Variants in ARID1A observed in about 807,000 individuals in gnomAD.
ARID1A encodes AT-rich interactive domain-containing protein 1A.
ARID1A carries 20 observed loss-of-function variants against 212.6 expected under a neutral mutation model. The observed-to-expected ratio is 0.09, with a 90% CI of 0.07 to 0.14. The LOEUF (loss-of-function observed/expected upper bound fraction) is 0.14, where lower values mean the gene tolerates loss of function less well. Among genes scored for constraint, ARID1A ranks in the 10% least tolerant of loss-of-function variants. ARID1A has a pLI of 1.00. For missense variants in ARID1A, 2,587 were observed against 3,059.0 expected, an observed-to-expected ratio of 0.85 and a Z score of 3.64; for synonymous variants, 1,376 against 1,222.1, an observed-to-expected ratio of 1.13 and a Z score of -2.63.
At chr1:26,758,450 C>G (rs1424568629) in intron 4 of ARID1A, among the ~76,000 whole-genome samples, 1 of 151,998 alleles carries the variant, frequency 6.6e-6, no homozygotes, top group African/African-American at 2.4e-5. Flanking sequence ...ATGGTGGCGC[C>G]TGCCTGTACA....
rs758256306 is a variant in ARID1A, at chr1:26,779,178, G to A, written c.5280G>A (p.Glu1760=). ...AGGTGTCTAGTCCAGCTCCCATGGA[G>A]GGTGGGGAAGAAGAAGAAGAACTTC... ...FSKVSSPAPM[E]GGEEEEELLG... Residue 1760 remains glutamate (E), a synonymous_variant, in exon 20 of 20, where the codon GAG becomes GAA. Coordinates refer to ENST00000324856, the MANE Select transcript of ARID1A (RefSeq NM_006015.6). 3 of 1,607,976 alleles carry A rather than the reference G, an allele frequency of 1.9e-6. No homozygotes were observed. Among genetic ancestry groups the A allele is most frequent in the Non-Finnish European group, 2.6e-6 (3 of 1,176,350 alleles).
At chr1:26,698,661 C>T (rs1489245600) in intron 1 of ARID1A, among the ~76,000 whole-genome samples, 1 of 152,128 alleles carries the variant, frequency 6.6e-6, no homozygotes, top group Non-Finnish European at 1.5e-5. Context: ...AATGGGTTTG[C>T]TGTTTGTTTT....
chr1:26,773,302 T>A (rs754757301), intron 14 of ARID1A, 44 bp from the exon 15 acceptor site: 2 of 1,529,922 alleles, frequency 1.3e-6, no homozygotes, highest in Non-Finnish European at 1.8e-6. Flanking sequence ...TTACCAGGCT[T>A]GTCAACTTAC....
At chr1:26,755,964 C>T (rs1469446310) in intron 4 of ARID1A, among the ~76,000 whole-genome samples, 2 of 151,966 alleles carry the variant, frequency 1.3e-5, no homozygotes, top group Non-Finnish European at 2.9e-5. Flanking sequence ...AGGATGGTCT[C>T]GATCTCCTGA....
rs942432618 is a variant in ARID1A at position 26,696,348 on chromosome 1, G to T, written c.-56G>T. The T allele has an allele frequency of 3.1e-5, 38 of 1,213,532 alleles. No individual in the cohort carries two copies. Among genetic ancestry groups the T allele is most frequent in the African/African-American group, 1.8e-4 (11 of 62,590 alleles). 75.2% of individuals were successfully genotyped at this position (1,213,532 alleles called of 1,614,324 possible). On this transcript the variant is annotated 5_prime_UTR_variant, in exon 1 of 20. Coordinates refer to ENST00000324856, the MANE Select transcript of ARID1A (RefSeq NM_006015.6). The stretch of plus-strand genomic sequence containing the variant: ...ACTGGGCCCCGGGGCGGGGTGGGAG[G>T]GGGGGAGAAGACGAAGACAGGGCCG...
intron 10 of ARID1A, 110 bp downstream of exon 10, chr1:26,766,676 T>C: frequency 1.8e-6 from 2 of 1,127,624 alleles, no homozygotes; most frequent in Non-Finnish European, 2.5e-6. Flanking sequence ...GACACCGGAC[T>C]AGATAGTCTC....
Position 26,697,512 on chromosome 1 carries a change from G to A in ARID1A, c.1109G>A (p.Gly370Glu), listed in dbSNP as rs2080284131. The A allele has an allele frequency of 7.1e-7, 1 of 1,405,590 alleles. No individual in the cohort carries two copies. Among genetic ancestry groups the A allele is most frequent in the Non-Finnish European group, 9.2e-7 (1 of 1,087,362 alleles). 87.1% of individuals were successfully genotyped at this position (1,405,590 alleles called of 1,614,324 possible). Residue 370 changes from glycine to glutamate, a missense_variant, in exon 1 of 20, where the codon GGG becomes GAG. Gly to Glu is a moderately conservative substitution (Grantham distance 98). Around this residue, in one of 11 missense-constraint regions of ARID1A, gnomAD observed 735 missense variants for 590.6 expected, o/e 1.24. Transcript: ENST00000324856. The stretch of plus-strand genomic sequence containing the variant: ...ATGAGCCCCGGGAGCAGCGGCGGCG[G>A]GGGGCAGCCGCTCGCCCGGACCCCT... ...APMSPGSSGG[G>E]GQPLARTPQP...
intron 4 of ARID1A, among the ~76,000 whole-genome samples, chr1:26,759,567 T>C (rs899349947): frequency 2.6e-5 from 4 of 152,178 alleles, no homozygotes; most frequent in African/African-American, 9.7e-5. Flanking sequence ...TTTTCATCCT[T>C]TCTTCAATTA....
intron 4 of ARID1A, among the ~76,000 whole-genome samples, chr1:26,740,218 G>T (rs983322395): frequency 2.6e-5 from 4 of 152,164 alleles, no homozygotes; most frequent in Non-Finnish European, 5.9e-5. Context: ...GACAAGGGTT[G>T]AACTTGTGTG....
chr1:26,762,112 GTATAAAGCTAATAAC>G (rs2080997692), intron 6 of ARID1A, 25 bp from the exon 7 acceptor site: 1 of 1,574,220 alleles, frequency 6.4e-7, no homozygotes, highest in Non-Finnish European at 8.6e-7. Context: ...TGTTCGCATT[GTATAAAGCTAATAAC>G]TATATGGATG....
chr1:26,737,486 G>A (rs1446668750), intron 4 of ARID1A, among the ~76,000 whole-genome samples: 1 of 152,140 alleles, frequency 6.6e-6, no homozygotes, highest in East Asian at 1.9e-4. Context: ...TGTGCCCCCA[G>A]TACCTATCAT....
chr1:26,728,454 T>C (rs2080640018), intron 1 of ARID1A, among the ~76,000 whole-genome samples: 1 of 152,200 alleles, frequency 6.6e-6, no homozygotes, highest in Non-Finnish European at 1.5e-5. Flanking sequence ...ACAGCTTAAA[T>C]TATAGAATAG....
Position 26,743,010 on chromosome 1 carries a change from G to A in ARID1A, c.1920+10218G>A, listed in dbSNP as rs141934043. On this transcript the variant is annotated intron_variant, in intron 4 of 19. Coordinates refer to ENST00000324856, the MANE Select transcript of ARID1A (RefSeq NM_006015.6). ...AAATATCAAGCTGGGGCTTTGGAAC[G>A]TCATAAATTTTACAGATTGTATCCA... is the stretch of plus-strand genomic sequence containing the variant. 1.6e-4 allele frequency among the ~76,000 whole-genome samples: 24 copies of A among 152,226 alleles called. No homozygotes were observed. In the East Asian group the frequency reaches 3.3e-3, roughly 21 times the overall value.
intron 4 of ARID1A, among the ~76,000 whole-genome samples, chr1:26,734,933 C>T (rs370100178): frequency 4.4e-4 from 67 of 152,286 alleles, no homozygotes; most frequent in East Asian, 3.3e-3. Flanking sequence ...TACTCATTCA[C>T]GTTACCTTCC....
rs2081112878 is a variant in ARID1A, at chr1:26,774,281, T to A, written c.4102-48T>A. The A allele has an allele frequency of 6.6e-7, 1 of 1,511,438 alleles. No homozygotes were observed. The highest frequency in any genetic ancestry group is 1.4e-5 in the African/African-American group (1 of 71,684). 93.6% of individuals were successfully genotyped at this position (1,511,438 alleles called of 1,614,324 possible). A position where few individuals can be genotyped will look rare whatever the true frequency, so the allele number is the denominator to read the frequency against. On this transcript the variant is annotated intron_variant, in intron 17 of 19. Transcript: ENST00000324856. This position sits in a 1 kb window ranked among gnomAD's most constrained non-coding sequence, Gnocchi z 5.6. The stretch of plus-strand genomic sequence containing the variant: ...CATCTTGGCATCTGTGGGCTTTATG[T>A]CCCTGAGTGCAGAGTATTAACTTCC...
intron 4 of ARID1A, among the ~76,000 whole-genome samples, chr1:26,741,360 T>A (rs987437038): frequency 1.3e-5 from 2 of 152,224 alleles, no homozygotes; most frequent in African/African-American, 4.8e-5. Context: ...AGGCCTTATT[T>A]CTGAGGGCTT....
At chr1:26,767,728 A>G (rs1249880971) in intron 10 of ARID1A, 62 bp from the exon 11 acceptor site, 9 of 1,460,244 alleles carry the variant, frequency 6.2e-6, no homozygotes, top group Admixed American at 1.9e-5. Flanking sequence ...GAGACTTCTG[A>G]GACCCTTAGC....
chr1:26,752,581 G>A (rs1286047004), intron 4 of ARID1A, among the ~76,000 whole-genome samples: 25 of 152,140 alleles, frequency 1.6e-4, no homozygotes, highest in Admixed American at 1.5e-3. Context: ...TTTTGTCTCA[G>A]TTTTTCTTCC....
intron 4 of ARID1A, among the ~76,000 whole-genome samples, chr1:26,736,902 CAAAAAAAAAAA>C (rs35005598): frequency 2.0e-4 from 10 of 49,874 alleles, no homozygotes; most frequent in Middle Eastern, 9.3e-3. Context: ...AATTCTGTCT[CAAAAAAAAAAA>C]AAAAAAAAAC....
Sources: allele counts gnomAD v4.1 joint callset (sites outside exome capture counted in the v4.1 genomes callset), GRCh38; gene constraint gnomAD v4.1.1; regional missense constraint gnomAD v4.1.1; non-coding constraint Gnocchi (gnomAD v3.1); transcripts MANE v1.5; gene names NCBI Gene and HGNC (gene_info 2026-07-23, HGNC 2026-07-21).